Variants in AP4B1 observed in about 807,000 individuals in gnomAD.
The protein encoded by AP4B1 is AP-4 complex subunit beta-1.
A neutral mutation model predicts 76.5 loss-of-function variants in AP4B1; 49 were observed. That is an observed-to-expected ratio of 0.64 (90% CI 0.51 to 0.81). The LOEUF (loss-of-function observed/expected upper bound fraction) is 0.81, where lower values mean the gene tolerates loss of function less well. AP4B1 is among the 40% of genes least tolerant of loss of function. The probability of loss-of-function intolerance (pLI) is 0.00; values close to 1 mark genes in which losing one functional copy is unlikely to be tolerated. For missense variants in AP4B1, 911 were observed against 904.9 expected (o/e 1.01, Z -0.09); for synonymous variants, 330 against 333.3 (o/e 0.99, Z 0.11).
chr1:113,898,903 T>TAA (rs369298592), intron 5 of AP4B1, 102 bp from the exon 6 acceptor site: 1,110 of 738,230 alleles, frequency 1.5e-3, no homozygotes, highest in Middle Eastern at 2.8e-3. Flanking sequence ...CAGAATTATC[T>TAA]AAAAAAAAAA....
rs1397503490 is a variant in AP4B1 at position 113,902,869 on chromosome 1, A to G, written c.114-7T>C. The stretch of plus-strand genomic sequence containing the variant: ...CAAGCCTTGAGTCATGTACCTGAAC[A>G]ACGCACATGACAGAAGGAAGTAAAA... On this transcript the variant is annotated splice_region_variant and splice_polypyrimidine_tract_variant and intron_variant, in intron 1 of 9. Coordinates refer to ENST00000369569, the MANE Select transcript of AP4B1 (RefSeq NM_001253852.3). 5 of 1,613,274 alleles carry G rather than the reference A, an allele frequency of 3.1e-6. No homozygotes were observed. In the Admixed American group the frequency reaches 6.7e-5, roughly 22 times the overall value.
chr1:113,904,698 T>A lies in AP4B1; in HGVS notation c.20A>T (p.Glu7Val), dbSNP rs1271710076. The change falls in exon 1 of 10, where the codon GAG becomes GTG. Residue 7 changes from glutamate (E) to valine (V), a missense_variant. Physicochemically the swap from Glu to Val is moderately radical, Grantham distance 121. Transcript: ENST00000369569. Reference sequence around the variant, plus strand: ...CTTCTTCAGCTCCTTCACCACGTCCTCGGAGCCAAGGTACGGCATCTTCCT... The same window carrying A: ...CTTCTTCAGCTCCTTCACCACGTCCACGGAGCCAAGGTACGGCATCTTCCT... MPYLGSEDVVKELKKAL... is the reference protein window; with the variant it reads MPYLGSVDVVKELKKAL... The A allele has an allele frequency of 1.2e-6, 2 of 1,612,464 alleles. No homozygotes were observed. The highest frequency in any genetic ancestry group is 2.1e-4 in the Middle Eastern group (1 of 4,672).
intron 5 of AP4B1, chr1:113,899,444 A>G: frequency 1.3e-6 from 1 of 770,450 alleles, no homozygotes; most frequent in East Asian, 9.5e-5. Context: ...GTGGATTAAC[A>G]TAGGACTTTG....
rs760779250 is a variant in AP4B1, at chr1:113,898,807, AAAG to A, written c.1115-9_1115-7del. On this transcript the variant is annotated splice_polypyrimidine_tract_variant and splice_region_variant and intron_variant, in intron 5 of 9. Transcript: ENST00000369569. ...GTAAGTCCTGGCAATGCCACCTACA[AAAG>A]AAGGGAAAGCAGAGAAAACTGCTAA... 2 of 1,604,938 alleles carry A rather than the reference AAAG, an allele frequency of 1.2e-6. No homozygotes were observed. Among genetic ancestry groups the A allele is most frequent in the Non-Finnish European group, 8.5e-7 (1 of 1,178,234 alleles).
In AP4B1 at chr1:113,894,913, G is replaced by A. The variant is rs1453368767; in HGVS notation, c.*152C>T. ...ATAGGAATGAAAGGAATGAATCAAT[G>A]TTCTTTGGCCAAAAACTTAAGAATC... On this transcript the variant is annotated 3_prime_UTR_variant, in exon 10 of 10. Coordinates refer to ENST00000369569, the MANE Select transcript of AP4B1 (RefSeq NM_001253852.3). 10 of 840,370 alleles carry A rather than the reference G, an allele frequency of 1.2e-5. No homozygotes were observed. Among genetic ancestry groups the A allele is most frequent in the Non-Finnish European group, 1.8e-5 (10 of 552,260 alleles). The allele number at this position is 840,370 out of a possible 1,614,324, so 52.1% of individuals were successfully genotyped here.
chr1:113,900,790 C>T (rs1668145153), intron 4 of AP4B1: 1 of 277,346 alleles, frequency 3.6e-6, no homozygotes, highest in Non-Finnish European at 6.9e-6. Context: ...AAGAAATTCT[C>T]TCAGTGGAAT....
At position 113,900,195 on chromosome 1, in the gene AP4B1, C is replaced by T; in HGVS notation, c.823G>A (p.Val275Met). The change falls in exon 5 of 10, where the codon GTG (valine) becomes ATG (methionine). Residue 275 changes from valine (V) to methionine (M), a missense_variant. By Grantham distance (21) the Val-to-Met change is conservative (BLOSUM62 1). Coordinates refer to ENST00000369569, the MANE Select transcript of AP4B1 (RefSeq NM_001253852.3). Reference protein sequence around the residue: ...MFPHVQTDVLVRVKGPLLAAC... With the variant: ...MFPHVQTDVLMRVKGPLLAAC... ...GCTAGCAAAGGTCCCTTGACCCGCA[C>T]AAGGACATCAGTTTGTACGTGGGGA... 6.2e-7 allele frequency: 1 copy of T among 1,614,032 alleles called. No homozygotes were observed.
chr1:113,904,560 G>A (rs1273481143), intron 1 of AP4B1, 45 bp downstream of exon 1: 1 of 1,565,620 alleles, frequency 6.4e-7, no homozygotes, highest in Admixed American at 1.7e-5. Flanking sequence ...CCCTGATGGG[G>A]ATTGCAAAGG....
upstream of AP4B1, chr1:113,904,946 G>A (rs1668797296): frequency 4.0e-6 from 2 of 506,250 alleles, no homozygotes; most frequent in South Asian, 2.0e-5. Context: ...CCCTACCGTC[G>A]GCCGGCAGGC....
chr1:113,904,524 C>G lies in AP4B1; in HGVS notation c.113+81G>C, dbSNP rs866766686. 4.1e-5 allele frequency: 56 copies of G among 1,354,192 alleles called. No individual in the cohort carries two copies. In the Middle Eastern group the frequency reaches 1.1e-3, roughly 26 times the overall value. 83.9% of individuals were successfully genotyped at this position (1,354,192 alleles called of 1,614,324 possible). A position where few individuals can be genotyped will look rare whatever the true frequency, so the allele number is the denominator to read the frequency against. The stretch of plus-strand genomic sequence containing the variant: ...TGCCACGTGTGAAAGCTAATTCACC[C>G]TTTCAGAGAGACTGGGGCTAGTGAG... On this transcript the variant is annotated intron_variant, in intron 1 of 9. Coordinates refer to ENST00000369569, the MANE Select transcript of AP4B1 (RefSeq NM_001253852.3).
At chr1:113,905,022 T>G (rs1293028079), upstream of AP4B1, 3 of 423,174 alleles carry the variant, frequency 7.1e-6, no homozygotes, top group Non-Finnish European at 8.9e-6. Context: ...CAGCGCCGCG[T>G]CCGACTGACC....
In AP4B1 at chr1:113,900,083, C is replaced by T; in HGVS notation, c.935G>A (p.Ser312Asn). The T allele has an allele frequency of 6.2e-7, 1 of 1,613,872 alleles. No individual in the cohort carries two copies. Among genetic ancestry groups the T allele is most frequent in the Non-Finnish European group, 8.5e-7 (1 of 1,179,952 alleles). ...QILHSLPGHF[S>N]SHYKKFFCSY... ...GCAAAAAAACTTTTTGTAGTGGCTG[C>T]TAAAGTGACCTGGTAAACTATGCAA... Residue 312 changes from serine to asparagine, a missense_variant, in exon 5 of 10, where the codon AGC becomes AAC. Coordinates refer to ENST00000369569, the MANE Select transcript of AP4B1 (RefSeq NM_001253852.3).
chr1:113,898,028 C>T, intron 6 of AP4B1, 85 bp from the exon 7 acceptor site: 1 of 1,599,102 alleles, frequency 6.3e-7, no homozygotes, highest in South Asian at 1.1e-5. Flanking sequence ...TATTCAGACT[C>T]ATGATTCTGG....
intron 1 of AP4B1, 24 bp from the exon 2 acceptor site, chr1:113,902,886 G>T (rs1376416174): frequency 1.9e-6 from 3 of 1,608,390 alleles, no homozygotes; most frequent in Non-Finnish European, 8.5e-7. Flanking sequence ...ATGACAGAAG[G>T]AAGTAAAATG....
chr1:113,900,528 T>A, intron 4 of AP4B1, 128 bp from the exon 5 acceptor site: 1 of 1,140,224 alleles, frequency 8.8e-7, no homozygotes, highest in Non-Finnish European at 1.2e-6. Context: ...GGCTGTGCCA[T>A]AATTAAGTCA....
chr1:113,897,986 C>T, intron 6 of AP4B1, 43 bp from the exon 7 acceptor site: 1 of 1,613,596 alleles, frequency 6.2e-7, no homozygotes, highest in Non-Finnish European at 8.5e-7. Context: ...ATTAGAGCCT[C>T]CAGGTAGGCA....
chr1:113,901,614 G>T, intron 3 of AP4B1, 141 bp downstream of exon 3: 2 of 1,322,862 alleles, frequency 1.5e-6, no homozygotes, highest in Non-Finnish European at 2.1e-6. Flanking sequence ...ATCTCCAGAA[G>T]ATACCAAGCC....
Position 113,895,223 on chromosome 1 carries a change from C to T in AP4B1, c.2062G>A (p.Asp688Asn). 6.2e-7 allele frequency: 1 copy of T among 1,614,212 alleles called. No homozygotes were observed. Among genetic ancestry groups the T allele is most frequent in the Non-Finnish European group, 8.5e-7 (1 of 1,180,048 alleles). ...PWKAYLSAQDDTGCLFLTELL... is the reference protein window; with the variant it reads ...PWKAYLSAQDNTGCLFLTELL... The stretch of plus-strand genomic sequence containing the variant: ...TCTGTTAAGAACAGACAGCCAGTAT[C>T]ATCCTGAGCACTGAGGTATGCTTTC... Residue 688 changes from aspartate to asparagine, a missense_variant, in exon 10 of 10, where the codon GAT (aspartate) becomes AAT (asparagine). By Grantham distance (23) the Asp-to-Asn change is conservative (BLOSUM62 1). Coordinates refer to ENST00000369569, the MANE Select transcript of AP4B1 (RefSeq NM_001253852.3).
At position 113,896,909 on chromosome 1, in the gene AP4B1, C is replaced by T. The variant is rs569946556; in HGVS notation, c.1303-444G>A. The T allele has an allele frequency of 2.7e-3, 538 of 197,004 alleles. 2 individuals are homozygous for T. Among genetic ancestry groups the T allele is most frequent in the Middle Eastern group, 4.9e-3 (2 of 408 alleles). The allele number at this position is 197,004 out of a possible 1,614,324, so 12.2% of individuals were successfully genotyped here. On this transcript the variant is annotated intron_variant, in intron 7 of 9. Coordinates refer to ENST00000369569, the MANE Select transcript of AP4B1 (RefSeq NM_001253852.3). ...CTGTAATCCCAGCACTTTGGGAGGC[C>T]GAGGAGGGTGGATCACCTGAGGTCA...
Sources: gnomAD v4.1 joint callset for allele counts on GRCh38, gnomAD v4.1.1 for gene constraint, MANE v1.5 for transcripts, NCBI Gene and HGNC (gene_info 2026-07-23, HGNC 2026-07-21) for gene names.